NEXMIF: variants seen among roughly 807,000 people sequenced by gnomAD.
The protein encoded by NEXMIF is XLMR protein related to neurite extension.
A neutral mutation model predicts 62.1 loss-of-function variants in NEXMIF; 8 were observed. That is an observed-to-expected ratio of 0.13 (90% confidence interval 0.08 to 0.23). The LOEUF (loss-of-function observed/expected upper bound fraction) is 0.23, where lower values mean the gene tolerates loss of function less well. Ranked by LOEUF, NEXMIF falls within the 10% of genes least tolerant of loss-of-function variation. The pLI is 1.00. For synonymous variants in NEXMIF, 404 were observed against 416.6 expected (o/e 0.97, Z 0.37); for missense variants, 976 against 1,113.3 (o/e 0.88, Z 1.75).
chrX:74,808,440 C>T (rs2147473668), intron 1 of NEXMIF, among the ~76,000 whole-genome samples: 1 of 111,787 alleles, frequency 8.9e-6, no homozygotes, highest in East Asian at 2.8e-4. Context: ...AGGTATAATT[C>T]TTTTTGTACA....
At chrX:74,902,482 A>G (rs2080752263) in intron 1 of NEXMIF, among the ~76,000 whole-genome samples, 1 of 110,941 alleles carries the variant, frequency 9.0e-6, no homozygotes, top group South Asian at 3.8e-4. Context: ...TGGGTCTTAC[A>G]AAAAAAGGTA....
rs2080094209 is a variant in NEXMIF, at chrX:74,739,290, A to G, written c.*115T>C. 2 of 473,347 alleles carry G rather than the reference A, an allele frequency of 4.2e-6. No individual in the cohort carries two copies. Among genetic ancestry groups the G allele is most frequent in the East Asian group, 3.9e-5 (1 of 25,520 alleles). The allele number at this position is 473,347 out of a possible 1,213,427, so 39.0% of individuals were successfully genotyped here. A position where few individuals can be genotyped will look rare whatever the true frequency, so the allele number is the denominator to read the frequency against. On this transcript the variant is annotated 3_prime_UTR_variant, in exon 4 of 4. Coordinates refer to ENST00000055682, the MANE Select transcript of NEXMIF (RefSeq NM_001008537.3). ...TTTTAAGTCTTTTACATAGAACATG[A>G]GATTAAAGTTTGCTCCAAAGACGTA...
chrX:74,779,573 A>G (rs747166683), intron 1 of NEXMIF, among the ~76,000 whole-genome samples: 22 of 111,246 alleles, frequency 2.0e-4, no homozygotes, highest in South Asian at 3.8e-4. Flanking sequence ...AACACCTGAC[A>G]TGTTCTTTCC....
chrX:74,878,511 C>A (rs903592357), intron 1 of NEXMIF, among the ~76,000 whole-genome samples: 1 of 112,746 alleles, frequency 8.9e-6, no homozygotes, highest in Non-Finnish European at 1.9e-5. Flanking sequence ...CTGTGGTGGT[C>A]TCCACCCAGT....
chrX:74,826,793 T>C (rs973377940), intron 1 of NEXMIF, among the ~76,000 whole-genome samples: 3 of 111,691 alleles, frequency 2.7e-5, no homozygotes, highest in Non-Finnish European at 5.6e-5. Context: ...TTTATAGCCA[T>C]GCATGTTTTA....
intron 1 of NEXMIF, among the ~76,000 whole-genome samples, chrX:74,862,246 A>G (rs1449963390): frequency 4.5e-5 from 5 of 111,323 alleles, no homozygotes; most frequent in African/African-American, 9.8e-5. Context: ...ACAAAGAGGG[A>G]CATTACATAA....
At chrX:74,807,244 T>C (rs184021886) in intron 1 of NEXMIF, among the ~76,000 whole-genome samples, 6 of 111,940 alleles carry the variant, frequency 5.4e-5, no homozygotes, top group Admixed American at 4.7e-4. Context: ...TTCCCTCATA[T>C]AGATTTTGTA....
intron 1 of NEXMIF, among the ~76,000 whole-genome samples, chrX:74,796,855 G>T (rs372094405): frequency 3.6e-5 from 4 of 111,876 alleles, no homozygotes; most frequent in African/African-American, 1.3e-4. Flanking sequence ...TTTCAAGGAG[G>T]TAGAGCTTGG....
At chrX:74,784,530 T>C (rs188117798) in intron 1 of NEXMIF, among the ~76,000 whole-genome samples, 3 of 110,957 alleles carry the variant, frequency 2.7e-5, no homozygotes, top group East Asian at 5.6e-4. Context: ...CCAGAATAGC[T>C]CTAGCTCTCT....
intron 1 of NEXMIF, among the ~76,000 whole-genome samples, chrX:74,749,798 A>G (rs1215818424): frequency 9.0e-6 from 1 of 111,335 alleles, no homozygotes; most frequent in African/African-American, 3.3e-5. Context: ...TATATCTGAT[A>G]CCCCCAAAAG....
chrX:74,791,419 G>A (rs2080282233), intron 1 of NEXMIF, among the ~76,000 whole-genome samples: 2 of 111,480 alleles, frequency 1.8e-5, no homozygotes, highest in Non-Finnish European at 3.8e-5. Flanking sequence ...GTTCATCAAG[G>A]ATAGTGGTCT....
At chrX:74,789,242 G>C (rs1260074962) in intron 1 of NEXMIF, among the ~76,000 whole-genome samples, 1 of 104,380 alleles carries the variant, frequency 9.6e-6, no homozygotes, top group African/African-American at 3.5e-5. Context: ...TTTTGTTCTT[G>C]TGATAGTTTA....
chrX:74,879,096 A>G (rs1000767949), intron 1 of NEXMIF, among the ~76,000 whole-genome samples: 14 of 112,517 alleles, frequency 1.2e-4, no homozygotes, highest in African/African-American at 4.5e-4. Context: ...CCAGTACAGT[A>G]ACATGCTGTG....
At chrX:74,878,320 C>T (rs1022034915) in intron 1 of NEXMIF, among the ~76,000 whole-genome samples, 7 of 112,070 alleles carry the variant, frequency 6.2e-5, no homozygotes, top group African/African-American at 1.9e-4. Context: ...GGGTCAGGGA[C>T]CCACTTGAGG....
intron 1 of NEXMIF, among the ~76,000 whole-genome samples, chrX:74,750,893 T>C (rs993524547): frequency 9.0e-6 from 1 of 111,454 alleles, no homozygotes; most frequent in African/African-American, 3.3e-5. Flanking sequence ...CTCAAAAGTA[T>C]GGTATGACTC....
At position 74,734,324 on chromosome X, in the gene NEXMIF, C is replaced by T. The variant is rs1231250212; in HGVS notation, c.*5081G>A. ...CATTCAGTTCTATGGAAACTAAGGA[C>T]TAGTACATTCAAAACTCTGTAGGCA... On this transcript the variant is annotated 3_prime_UTR_variant, in exon 4 of 4. Transcript: ENST00000055682. 8.9e-6 allele frequency: 1 copy of T among 111,928 alleles called. No homozygotes were observed. The highest frequency in any genetic ancestry group is 3.3e-5 in the African/African-American group (1 of 30,759). The allele number at this position is 111,928 out of a possible 1,213,427, so 9.2% of individuals were successfully genotyped here.
intron 1 of NEXMIF, among the ~76,000 whole-genome samples, chrX:74,792,433 G>GA (rs1234415283): frequency 1.9e-5 from 2 of 106,385 alleles, no homozygotes; most frequent in African/African-American, 3.4e-5. Context: ...GCGTGGTGCT[G>GA]AAAAAAATGT....
At chrX:74,831,709 G>T (rs983969435) in intron 1 of NEXMIF, among the ~76,000 whole-genome samples, 2 of 111,694 alleles carry the variant, frequency 1.8e-5, no homozygotes, top group Non-Finnish European at 3.8e-5. Context: ...GTGAAGGAAA[G>T]ACTTTCAGTT....
chrX:74,873,505 C>A (rs766363510), intron 1 of NEXMIF, among the ~76,000 whole-genome samples: 9 of 112,043 alleles, frequency 8.0e-5, no homozygotes, highest in African/African-American at 2.9e-4. Context: ...GGTATATACC[C>A]AGTAATGGGA....
Sources: allele counts gnomAD v4.1 joint callset (sites outside exome capture counted in the v4.1 genomes callset), GRCh38; gene constraint gnomAD v4.1.1; transcripts MANE v1.5; gene names NCBI Gene and HGNC (gene_info 2026-07-23, HGNC 2026-07-21).